The following RBFOX1 variants were observed in gnomAD, a reference collection of about 807,000 sequenced individuals.
RBFOX1 encodes the protein RNA binding fox-1 homolog 1.
Under a neutral mutation model 57.7 loss-of-function variants are expected in RBFOX1, and 8 were observed. The ratio of observed to expected loss-of-function variants is 0.14; its 90% CI spans 0.08 to 0.25. The LOEUF is 0.25. RBFOX1 is among the 10% of genes least tolerant of loss of function. The probability of loss-of-function intolerance (pLI) is 1.00; values close to 1 mark genes in which losing one functional copy is unlikely to be tolerated. For missense variants in RBFOX1, 611 were observed against 548.5 expected (o/e 1.11, Z -1.14); for synonymous variants, 326 against 222.4 (o/e 1.47, Z -4.15).
intron 4 of RBFOX1, among the ~76,000 whole-genome samples, chr16:7,500,467 C>T (rs952891753): frequency 6.6e-6 from 1 of 152,126 alleles, no homozygotes; most frequent in Non-Finnish European, 1.5e-5. Context: ...TCTTATTCCC[C>T]CATAAAAGTT....
intron 4 of RBFOX1, among the ~76,000 whole-genome samples, chr16:7,513,832 C>G (rs962485540): frequency 1.3e-5 from 2 of 152,166 alleles, no homozygotes; most frequent in African/African-American, 2.4e-5. Context: ...AGATTTAAAG[C>G]CTGTGTGCCT....
chr16:5,901,919 T>C (rs766429524), intron 4 of RBFOX1, among the ~76,000 whole-genome samples: 6 of 152,214 alleles, frequency 3.9e-5, no homozygotes, highest in Non-Finnish European at 7.3e-5. Context: ...TTGGAAGCCT[T>C]CTTTGGTTCT....
intron 2 of RBFOX1, among the ~76,000 whole-genome samples, chr16:6,523,279 GA>G (rs1022956029): frequency 2.6e-5 from 4 of 152,120 alleles, no homozygotes; most frequent in Non-Finnish European, 4.4e-5. Context: ...GAGACAGAGG[GA>G]GGGGGGGTTA....
At chr16:6,538,660 C>G (rs1253978618) in intron 2 of RBFOX1, among the ~76,000 whole-genome samples, 6 of 152,316 alleles carry the variant, frequency 3.9e-5, no homozygotes, top group South Asian at 2.1e-4. Flanking sequence ...GAATGGCACA[C>G]CTGCTGTAGA....
At chr16:5,288,941 A>G (rs1383826836) in intron 1 of RBFOX1, among the ~76,000 whole-genome samples, 12 of 152,074 alleles carry the variant, frequency 7.9e-5, no homozygotes, top group Non-Finnish European at 1.6e-4. Flanking sequence ...TGCGGCCAAC[A>G]TGGTGAAACC....
At chr16:5,787,005 A>C (rs1340524284) in intron 3 of RBFOX1, among the ~76,000 whole-genome samples, 1 of 152,184 alleles carries the variant, frequency 6.6e-6, no homozygotes, top group East Asian at 1.9e-4. Context: ...GCGCGGTGGC[A>C]GATGCCTGTA....
chr16:5,407,592 AG>A (rs1171806578), intron 1 of RBFOX1, among the ~76,000 whole-genome samples: 1 of 152,054 alleles, frequency 6.6e-6, no homozygotes, highest in Non-Finnish European at 1.5e-5. Context: ...TCTGTCACCC[AG>A]GCTGGAGTGC....
chr16:5,529,691 C>T (rs780286957), intron 2 of RBFOX1, among the ~76,000 whole-genome samples: 4 of 151,972 alleles, frequency 2.6e-5, no homozygotes, highest in Admixed American at 6.6e-5. Context: ...CTCACCATCC[C>T]GATTAGCTGG....
chr16:5,347,079 CTT>C (rs994113312), intron 1 of RBFOX1, among the ~76,000 whole-genome samples: 4 of 152,120 alleles, frequency 2.6e-5, no homozygotes, highest in Non-Finnish European at 4.4e-5. Flanking sequence ...TTCAGCAAGA[CTT>C]TATCTGGCTG....
intron 2 of RBFOX1, among the ~76,000 whole-genome samples, chr16:6,512,504 A>G (rs988740642): frequency 6.6e-6 from 1 of 152,066 alleles, no homozygotes; most frequent in African/African-American, 2.4e-5. Flanking sequence ...CAGACCAAAG[A>G]AGCCTAATGT....
At chr16:5,441,797 G>A (rs2068092996) in intron 1 of RBFOX1, among the ~76,000 whole-genome samples, 1 of 152,162 alleles carries the variant, frequency 6.6e-6, no homozygotes, top group Admixed American at 6.5e-5. Context: ...AGTGCCCAGT[G>A]AAGGGGGAAG....
intron 4 of RBFOX1, among the ~76,000 whole-genome samples, chr16:7,467,067 C>T (rs1191080924): frequency 6.6e-6 from 1 of 152,128 alleles, no homozygotes; most frequent in East Asian, 1.9e-4. Context: ...GCAAACACTG[C>T]ATATAAATAT....
At chr16:6,169,997 G>A (rs1199259453) in intron 1 of RBFOX1, among the ~76,000 whole-genome samples, 33 of 152,096 alleles carry the variant, frequency 2.2e-4, no homozygotes, top group Non-Finnish European at 2.5e-4. Flanking sequence ...TCAAATGCCT[G>A]ACCTTAAGCG....
chr16:6,260,708 T>C (rs748819474), intron 1 of RBFOX1, among the ~76,000 whole-genome samples: 1 of 152,082 alleles, frequency 6.6e-6, no homozygotes, highest in Non-Finnish European at 1.5e-5. Context: ...TGAAACCCCA[T>C]CTGTACTACT....
chr16:6,583,422 C>G (rs925244996), intron 2 of RBFOX1, among the ~76,000 whole-genome samples: 3 of 152,238 alleles, frequency 2.0e-5, no homozygotes, highest in African/African-American at 7.2e-5. Context: ...CCTTAAACAA[C>G]TGCAATGTTA....
chr16:5,518,978 C>A (rs116888518), intron 2 of RBFOX1, among the ~76,000 whole-genome samples: 1 of 152,068 alleles, frequency 6.6e-6, no homozygotes, highest in Non-Finnish European at 1.5e-5. Flanking sequence ...ATGGGTGGCC[C>A]TCATCCATCC....
At chr16:6,647,250 T>A (rs1040249595) in intron 2 of RBFOX1, among the ~76,000 whole-genome samples, 2 of 152,278 alleles carry the variant, frequency 1.3e-5, no homozygotes, top group African/African-American at 4.8e-5. Flanking sequence ...TTCTTTATTT[T>A]ATTTTATTTT....
At chr16:5,599,278 C>G in exon 3 of RBFOX1, 3 of 648,034 alleles carry the variant, frequency 4.6e-6, no homozygotes, top group Middle Eastern at 2.5e-4. Flanking sequence ...CCTCTGCGCC[C>G]TGGTGTGACG....
At chr16:5,252,277 T>C (rs1257994511) in intron 1 of RBFOX1, among the ~76,000 whole-genome samples, 13 of 152,222 alleles carry the variant, frequency 8.5e-5, no homozygotes, top group African/African-American at 2.2e-4. Flanking sequence ...TATGCAGGGT[T>C]AGGCTTTCCA....
Sources: allele counts gnomAD v4.1 joint callset (sites outside exome capture counted in the v4.1 genomes callset), GRCh38; gene constraint gnomAD v4.1.1; transcripts MANE v1.5; gene names NCBI Gene and HGNC (gene_info 2026-07-23, HGNC 2026-07-21).